Variants in PLCB4 observed in about 807,000 individuals in gnomAD.
PLCB4 encodes 1-phosphatidylinositol 4,5-bisphosphate phosphodiesterase beta-4.
A neutral mutation model predicts 178.8 loss-of-function variants in PLCB4; 77 were observed. That is an observed-to-expected ratio of 0.43 (90% CI 0.36 to 0.52). The LOEUF (loss-of-function observed/expected upper bound fraction) is 0.52, where lower values mean the gene tolerates loss of function less well. Ranked by LOEUF, PLCB4 falls within the 20% of genes least tolerant of loss-of-function variation. The pLI is 0.00. For synonymous variants in PLCB4, 496 were observed against 490.8 expected (o/e 1.01, Z -0.14); for missense variants, 1,024 against 1,453.4 (o/e 0.70, Z 4.80).
rs536101874 is a variant in PLCB4 at position 9,087,262 on chromosome 20, T to G, written c.-134-9025T>G. On this transcript the variant is annotated intron_variant, in intron 1 of 39. Transcript: ENST00000378473. ...ATATTTCTATATCTTCTCAGTTTTC[T>G]TTCAGATTTAACTTTATGGAAAAAA... 2.4e-3 allele frequency among the ~76,000 whole-genome samples: 360 copies of G among 152,338 alleles called. 1 individual carries two copies. The highest frequency in any genetic ancestry group is 8.2e-3 in the African/African-American group (343 of 41,586).
Position 9,472,890 on chromosome 20 carries a change from C to A in PLCB4, c.3408+43C>A, listed in dbSNP as rs750170035. The A allele has an allele frequency of 1.1e-5, 13 of 1,132,604 alleles. No homozygotes were observed. The African/African-American group carries it at 1.9e-4, about 16-fold the overall frequency. The allele number at this position is 1,132,604 out of a possible 1,614,324, so 70.2% of individuals were successfully genotyped here. A position where few individuals can be genotyped will look rare whatever the true frequency, so the allele number is the denominator to read the frequency against. On this transcript the variant is annotated intron_variant, in intron 37 of 39. Transcript: ENST00000378473. ...TTTTTGGCATTCTTCCTTTAAAAAA[C>A]TATAAACAATAACATGCTTAGCCAC...
chr20:9,473,228 A>G (rs369348375), intron 37 of PLCB4, 51 bp from the exon 38 acceptor site: 2 of 1,187,976 alleles, frequency 1.7e-6, no homozygotes, highest in South Asian at 1.5e-5. Context: ...CCCTGTTTTA[A>G]GATTGTAACC....
intron 2 of PLCB4, among the ~76,000 whole-genome samples, chr20:9,115,697 T>C (rs1315653732): frequency 6.6e-6 from 1 of 151,282 alleles, no homozygotes; most frequent in African/African-American, 2.4e-5. Context: ...TATAGTATAA[T>C]TGAAATGTAA....
intron 35 of PLCB4, among the ~76,000 whole-genome samples, chr20:9,464,083 C>G (rs1292591887): frequency 6.6e-6 from 1 of 152,204 alleles, no homozygotes; most frequent in East Asian, 1.9e-4. Context: ...AACTATCTCT[C>G]AGGCCACAGT....
rs2040514448 is a variant in PLCB4, at chr20:9,420,002, C to A, written c.2154+93C>A. 10 of 740,674 alleles carry A rather than the reference C, an allele frequency of 1.4e-5. No homozygotes were observed. In the South Asian group the frequency reaches 2.0e-4, roughly 15 times the overall value. The allele number at this position is 740,674 out of a possible 1,614,324, so 45.9% of individuals were successfully genotyped here. ...AATATTGAATGTTAAATTGCAAGATCCATGTGCTGCTCACAACTTTGACTT... is the reference window on the plus strand; with the variant it reads ...AATATTGAATGTTAAATTGCAAGATACATGTGCTGCTCACAACTTTGACTT... On this transcript the variant is annotated intron_variant, in intron 26 of 39. Transcript: ENST00000378473.
chr20:9,400,058 C>T (rs1442551916), intron 19 of PLCB4, among the ~76,000 whole-genome samples: 1 of 152,094 alleles, frequency 6.6e-6, no homozygotes, highest in Non-Finnish European at 1.5e-5. Flanking sequence ...TTCCTCAAAT[C>T]CTTTTCTTCC....
chr20:9,121,336 C>T (rs1388283742), intron 2 of PLCB4, among the ~76,000 whole-genome samples: 32 of 152,130 alleles, frequency 2.1e-4, no homozygotes, highest in Non-Finnish European at 1.5e-5. Flanking sequence ...AATTTTCTCT[C>T]CTTGCTTCTG....
intron 33 of PLCB4, among the ~76,000 whole-genome samples, chr20:9,456,933 C>A (rs2043094289): frequency 6.6e-6 from 1 of 152,156 alleles, no homozygotes; most frequent in Admixed American, 6.5e-5. Flanking sequence ...ATATTTCCTA[C>A]TCACAATAGA....
intron 2 of PLCB4, among the ~76,000 whole-genome samples, chr20:9,149,541 C>CAG (rs2092656134): frequency 2.0e-5 from 3 of 151,564 alleles, no homozygotes; most frequent in African/African-American, 7.3e-5. Flanking sequence ...ACGTACTGTG[C>CAG]AGGTGACATC....
intron 2 of PLCB4, among the ~76,000 whole-genome samples, chr20:9,203,865 C>T (rs970322025): frequency 6.7e-6 from 1 of 148,188 alleles, no homozygotes; most frequent in African/African-American, 2.5e-5. Flanking sequence ...AGATTGAGAC[C>T]TGGAGCTTCT....
intron 35 of PLCB4, among the ~76,000 whole-genome samples, chr20:9,466,741 G>A (rs1029193245): frequency 2.6e-5 from 4 of 152,134 alleles, no homozygotes; most frequent in Admixed American, 6.5e-5. Flanking sequence ...GCCATCTCAC[G>A]CCAGTTAGAA....
In PLCB4 at chr20:9,468,627, C is replaced by G. The variant is rs749520528; in HGVS notation, c.3305C>G (p.Ala1102Gly). The G allele has an allele frequency of 6.2e-7, 1 of 1,611,564 alleles. No homozygotes were observed. The highest frequency in any genetic ancestry group is 1.7e-5 in the Admixed American group (1 of 60,008). Residue 1102 changes from alanine (A) to glycine (G), a missense_variant, in exon 36 of 40, where the codon GCC becomes GGC. Ala to Gly is a moderately conservative substitution (Grantham distance 60). Coordinates refer to ENST00000378473, the MANE Select transcript of PLCB4 (RefSeq NM_001377142.1). ...AAGATTTCTATGGAAAATAGCAAAGCCATCAGCCAAGATAAATCTATCAAG... is the reference window on the plus strand; with the variant it reads ...AAGATTTCTATGGAAAATAGCAAAGGCATCAGCCAAGATAAATCTATCAAG... ...QAKISMENSKAISQDKSIKNK... is the reference protein window; with the variant it reads ...QAKISMENSKGISQDKSIKNK...
rs200584230 is a variant in PLCB4, at chr20:9,411,083, G to T, written c.2046G>T (p.Ser682=). Residue 682 remains serine (S), a synonymous_variant, in exon 25 of 40, where the codon TCG becomes TCT. Coordinates refer to ENST00000378473, the MANE Select transcript of PLCB4 (RefSeq NM_001377142.1). ...LNQGKFEYNG[S]CGYLLKPDFM... is the part of the protein sequence containing the mutation. ...AGGGAAAATTTGAGTATAATGGATC[G>T]TGCGGGTGAGTAATATGATTTAAAC... 2 of 1,602,180 alleles carry T rather than the reference G, an allele frequency of 1.2e-6. No individual in the cohort carries two copies. Among genetic ancestry groups the T allele is most frequent in the Non-Finnish European group, 8.6e-7 (1 of 1,169,428 alleles).
At chr20:9,186,774 A>T (rs2147116728) in intron 2 of PLCB4, among the ~76,000 whole-genome samples, 1 of 151,928 alleles carries the variant, frequency 6.6e-6, no homozygotes, top group Non-Finnish European at 1.5e-5. Context: ...TTCTCTTCCC[A>T]GCCTGTTTAT....
chr20:9,301,144 C>G (rs932112828), intron 3 of PLCB4, among the ~76,000 whole-genome samples: 1 of 151,618 alleles, frequency 6.6e-6, no homozygotes, highest in South Asian at 2.1e-4. Context: ...ATTTAGGGCC[C>G]ACCTGGATGA....
intron 25 of PLCB4, among the ~76,000 whole-genome samples, chr20:9,413,177 A>G (rs2039978227): frequency 6.6e-6 from 1 of 152,142 alleles, no homozygotes; most frequent in Admixed American, 6.5e-5. Context: ...TCACTTCTGA[A>G]AACTTGCAGT....
At chr20:9,211,708 T>C (rs1321823980) in intron 2 of PLCB4, among the ~76,000 whole-genome samples, 1 of 152,196 alleles carries the variant, frequency 6.6e-6, no homozygotes, top group Non-Finnish European at 1.5e-5. Flanking sequence ...TAGCTGTAAA[T>C]AATTATAGTT....
At chr20:9,270,011 G>T (rs749932974) in intron 3 of PLCB4, among the ~76,000 whole-genome samples, 1 of 152,074 alleles carries the variant, frequency 6.6e-6, no homozygotes, top group Non-Finnish European at 1.5e-5. Flanking sequence ...AACCAAGGAA[G>T]GGTGGGTTGG....
chr20:9,391,845 T>C (rs1448298063), intron 17 of PLCB4, among the ~76,000 whole-genome samples: 1 of 152,194 alleles, frequency 6.6e-6, no homozygotes, highest in African/African-American at 2.4e-5. Flanking sequence ...CCTGAGCACC[T>C]GCTCTTCTCT....
Sources: allele counts gnomAD v4.1 joint callset (sites outside exome capture counted in the v4.1 genomes callset), GRCh38; gene constraint gnomAD v4.1.1; transcripts MANE v1.5; gene names NCBI Gene and HGNC (gene_info 2026-07-23, HGNC 2026-07-21).